The following CDH8 variants were observed in gnomAD, a reference collection of about 807,000 sequenced individuals.
CDH8 encodes cadherin-8.
In CDH8, 17 loss-of-function variants were observed where a neutral mutation model predicts 68.1. That is an observed-to-expected ratio of 0.25 (90% CI 0.17 to 0.37). CDH8 has a LOEUF of 0.37. CDH8 is among the 10% of genes least tolerant of loss of function. The pLI is 1.00. For missense variants in CDH8, 763 were observed against 999.3 expected (o/e 0.76, Z 3.19); for synonymous variants, 372 against 365.1 (o/e 1.02, Z -0.21).
chr16:61,713,592 A>G (rs1197131899), intron 10 of CDH8, among the ~76,000 whole-genome samples: 1 of 151,610 alleles, frequency 6.6e-6, no homozygotes, highest in Non-Finnish European at 1.5e-5. Context: ...TTCATTTTTT[A>G]AAGTAAGGTG....
chr16:62,014,727 C>T (rs886307667), intron 2 of CDH8, among the ~76,000 whole-genome samples: 1 of 151,936 alleles, frequency 6.6e-6, no homozygotes, highest in East Asian at 1.9e-4. Context: ...TGAGTCAGTG[C>T]CTTGGAGGAA....
chr16:61,825,101 A>G lies in CDH8; in HGVS notation c.746T>C (p.Met249Thr). 6.2e-7 allele frequency: 1 copy of G among 1,611,896 alleles called. No homozygotes were observed. Among genetic ancestry groups the G allele is most frequent in the Non-Finnish European group, 8.5e-7 (1 of 1,178,666 alleles). ...AGACAGGCCACCAGAGTGTCCACCC[A>G]TATCTTTGGCTTGGATAACAACCAG... ...EYLVVIQAKD[M>T]GGHSGGLSGT... The change falls in exon 5 of 12, where the codon ATG (methionine) becomes ACG (threonine). Residue 249 changes from methionine (M) to threonine (T), a missense_variant. Around this residue, in one of 2 missense-constraint regions of CDH8, gnomAD observed 366 missense variants for 563.1 expected, o/e 0.65. Coordinates refer to ENST00000577390, the MANE Select transcript of CDH8 (RefSeq NM_001796.5).
At chr16:61,721,526 T>C (rs1009546953) in intron 9 of CDH8, among the ~76,000 whole-genome samples, 14 of 150,920 alleles carry the variant, frequency 9.3e-5, no homozygotes, top group African/African-American at 3.1e-4. Flanking sequence ...AACCCATTCA[T>C]TGCTAGTGTT....
chr16:61,900,179 G>T (rs759389224), intron 3 of CDH8, among the ~76,000 whole-genome samples: 4 of 151,806 alleles, frequency 2.6e-5, no homozygotes, highest in Admixed American at 6.6e-5. Context: ...AAGTTTGGGG[G>T]CTTTAAATAA....
intron 8 of CDH8, among the ~76,000 whole-genome samples, chr16:61,775,282 C>T (rs983910540): frequency 4.6e-5 from 7 of 152,102 alleles, no homozygotes; most frequent in African/African-American, 9.6e-5. Flanking sequence ...CCAATCCTTT[C>T]GCCAGATAAA....
Position 61,857,195 on chromosome 16 carries a change from T to C in CDH8, c.591A>G (p.Pro197=). The change falls in exon 4 of 12, where the codon CCA becomes CCG. Residue 197 remains proline (P), a synonymous_variant. Transcript: ENST00000577390. The part of the protein sequence containing the change: ...TNVTATDADD[P]VYGNSAKLVY... ...CCAACTTTGCACTGTTTCCATAAAC[T>C]GGGTCATCAGCGTCGGTCGCAGTGA... is the stretch of plus-strand genomic sequence containing the variant. 1 of 1,613,226 alleles carries C rather than the reference T, an allele frequency of 6.2e-7. No individual in the cohort carries two copies.
intron 2 of CDH8, among the ~76,000 whole-genome samples, chr16:62,002,347 T>C (rs1463070817): frequency 2.0e-5 from 3 of 152,188 alleles, no homozygotes; most frequent in Non-Finnish European, 4.4e-5. Context: ...AGGATTGAAA[T>C]TGAAGGCAAA....
chr16:61,766,375 T>G (rs1960591430), intron 8 of CDH8, among the ~76,000 whole-genome samples: 1 of 152,160 alleles, frequency 6.6e-6, no homozygotes, highest in South Asian at 2.1e-4. Flanking sequence ...TACATTTTCT[T>G]TATCCATTCA....
chr16:61,672,263 TC>T (rs1674212044), intron 10 of CDH8, among the ~76,000 whole-genome samples: 1 of 152,068 alleles, frequency 6.6e-6, no homozygotes, highest in African/African-American at 2.4e-5. Flanking sequence ...GGGAATTTGT[TC>T]CCTTTCAAAA....
intron 11 of CDH8, among the ~76,000 whole-genome samples, chr16:61,655,020 G>A (rs1427836017): frequency 6.6e-6 from 1 of 152,104 alleles, no homozygotes; most frequent in Admixed American, 6.5e-5. Flanking sequence ...CTTATTTTTA[G>A]TTTGCTCATT....
chr16:61,741,836 A>G (rs1463075177), intron 8 of CDH8, among the ~76,000 whole-genome samples: 1 of 152,056 alleles, frequency 6.6e-6, no homozygotes, highest in African/African-American at 2.4e-5. Context: ...TGCCCTTTAA[A>G]TTTCTATGCA....
intron 3 of CDH8, among the ~76,000 whole-genome samples, chr16:61,872,397 G>T (rs549258449): frequency 6.6e-6 from 1 of 152,184 alleles, no homozygotes; most frequent in Admixed American, 6.5e-5. Flanking sequence ...AATTTACACT[G>T]GTTCAATCCA....
Position 62,022,266 on chromosome 16 carries a change from A to G in CDH8, c.-199-664T>C, listed in dbSNP as rs570692419. The stretch of plus-strand genomic sequence containing the variant: ...GAATGCAATCCTCTGCCAGGATGCT[A>G]ATAATGAGTGAATAAAATTAGAATG... On this transcript the variant is annotated intron_variant, in intron 1 of 11. Transcript: ENST00000577390. Among the ~76,000 whole-genome samples, 12 of 152,266 alleles carry G rather than the reference A, an allele frequency of 7.9e-5. No individual in the cohort carries two copies. The East Asian group carries it at 2.3e-3, about 29-fold the overall frequency.
rs1422104707 is a variant in CDH8, at chr16:61,649,900, G to T, written c.*3708C>A. The T allele has an allele frequency of 6.6e-6, 1 of 152,078 alleles. No homozygotes were observed. The highest frequency in any genetic ancestry group is 1.5e-5 in the Non-Finnish European group (1 of 68,002). The allele number at this position is 152,078 out of a possible 1,614,324, so 9.4% of individuals were successfully genotyped here. On this transcript the variant is annotated 3_prime_UTR_variant, in exon 12 of 12. Coordinates refer to ENST00000577390, the MANE Select transcript of CDH8 (RefSeq NM_001796.5). ...CTAGGAGATTTCTAAGTCTCATGCA[G>T]AGACTTGTCTTACTTTAAGCATCTG...
At chr16:62,012,927 A>G (rs1901847828) in intron 2 of CDH8, among the ~76,000 whole-genome samples, 1 of 152,150 alleles carries the variant, frequency 6.6e-6, no homozygotes, top group Non-Finnish European at 1.5e-5. Flanking sequence ...AACAGTGAAT[A>G]GTGGTTATAG....
At chr16:61,923,784 T>C (rs987561256) in intron 2 of CDH8, among the ~76,000 whole-genome samples, 4 of 147,662 alleles carry the variant, frequency 2.7e-5, no homozygotes, top group East Asian at 1.9e-4. Flanking sequence ...ATATGTGATG[T>C]ATATATGTGA....
chr16:61,783,532 A>G (rs1212071173), intron 8 of CDH8, among the ~76,000 whole-genome samples: 1 of 151,648 alleles, frequency 6.6e-6, no homozygotes. Flanking sequence ...TATCCAGGAG[A>G]ACTTCCGCAA....
chr16:61,652,202 C>G lies in CDH8; in HGVS notation c.*1406G>C. 1.0e-6 allele frequency: 1 copy of G among 982,428 alleles called. No homozygotes were observed. The highest frequency in any genetic ancestry group is 1.2e-6 in the Non-Finnish European group (1 of 827,238). 60.9% of individuals were successfully genotyped at this position (982,428 alleles called of 1,614,324 possible). On this transcript the variant is annotated 3_prime_UTR_variant, in exon 12 of 12. Transcript: ENST00000577390. ...GTTTGCATTACAAATTAAATATGCT[C>G]ACATCTTCTAGTGCTGTTCCTTTTT...
At chr16:61,978,626 A>T (rs1020752183) in intron 2 of CDH8, among the ~76,000 whole-genome samples, 1 of 152,052 alleles carries the variant, frequency 6.6e-6, no homozygotes, top group African/African-American at 2.4e-5. Flanking sequence ...GGCAGTTTCC[A>T]TGCATTGGTC....
Sources: allele counts gnomAD v4.1 joint callset (sites outside exome capture counted in the v4.1 genomes callset), GRCh38; gene constraint gnomAD v4.1.1; regional missense constraint gnomAD v4.1.1; transcripts MANE v1.5; gene names NCBI Gene and HGNC (gene_info 2026-07-23, HGNC 2026-07-21).